The following PGM5 variants were observed in gnomAD, a reference collection of about 807,000 sequenced individuals.
The protein encoded by PGM5 is phosphoglucomutase-like protein 5.
A neutral mutation model predicts 59.2 loss-of-function variants in PGM5; 23 were observed. The ratio of observed to expected loss-of-function variants is 0.39; its 90% confidence interval spans 0.28 to 0.55. The LOEUF is 0.55. PGM5 is among the 20% of genes least tolerant of loss of function. PGM5 has a pLI of 0.66. For synonymous variants in PGM5, 214 were observed against 286.0 expected, an observed-to-expected ratio of 0.75 and a Z score of 2.54; for missense variants, 574 against 748.3, an observed-to-expected ratio of 0.77 and a Z score of 2.72.
At chr9:68,399,763 C>T (rs1383161136) in intron 6 of PGM5, among the ~76,000 whole-genome samples, 1 of 152,070 alleles carries the variant, frequency 6.6e-6, no homozygotes, top group African/African-American at 2.4e-5. Flanking sequence ...TATCTTTAGA[C>T]AAAATTTTAC....
At chr9:68,474,429 T>TTC (rs2132085860) in intron 7 of PGM5, among the ~76,000 whole-genome samples, 1 of 152,318 alleles carries the variant, frequency 6.6e-6, no homozygotes, top group African/African-American at 2.4e-5. Flanking sequence ...TGATTGAGCA[T>TTC]TCTCTTTATT....
At chr9:68,466,270 G>GT (rs35091577) in intron 7 of PGM5, 76,794 of 551,418 alleles carry the variant, frequency 0.14, 39 homozygotes, top group Non-Finnish European at 0.16. Flanking sequence ...GATACTGTGT[G>GT]TTTTTTTTTT....
At position 68,465,116 on chromosome 9, in the gene PGM5, C is replaced by A. The variant is rs147890556; in HGVS notation, c.1067C>A (p.Pro356His). 5.1e-5 allele frequency: 82 copies of A among 1,610,728 alleles called. No homozygotes were observed. The highest frequency in any genetic ancestry group is 1.2e-4 in the Admixed American group (7 of 59,952). The change falls in exon 7 of 11, where the codon CCT becomes CAT. Residue 356 changes from proline to histidine, a missense_variant. By Grantham distance (77) the Pro-to-His change is moderately conservative (BLOSUM62 -2). Transcript: ENST00000396396. ...AGAGTGGCCAAATCAATGAAGGTCC[C>A]TGTATATGAGACCCCAGCTGGATGG... is the stretch of plus-strand genomic sequence containing the variant. The part of the protein sequence containing the change: ...LDRVAKSMKV[P>H]VYETPAGWRF...
chr9:68,466,082 T>C (rs1302108144), intron 7 of PGM5: 8 of 1,192,860 alleles, frequency 6.7e-6, no homozygotes. Context: ...ACACATGTGT[T>C]AGATAATTTG....
At chr9:68,473,368 C>T (rs1205163210) in intron 7 of PGM5, among the ~76,000 whole-genome samples, 2 of 152,216 alleles carry the variant, frequency 1.3e-5, no homozygotes, top group Non-Finnish European at 2.9e-5. Context: ...GGATGCTTTA[C>T]CCGCTTTCTT....
At chr9:68,461,961 A>T (rs1823864408) in intron 6 of PGM5, among the ~76,000 whole-genome samples, 1 of 152,166 alleles carries the variant, frequency 6.6e-6, no homozygotes, top group Non-Finnish European at 1.5e-5. Context: ...TATTTGGAAA[A>T]TAGGAAATCA....
chr9:68,435,362 T>C (rs910700829), intron 6 of PGM5, among the ~76,000 whole-genome samples: 6 of 152,200 alleles, frequency 3.9e-5, no homozygotes, highest in African/African-American at 1.2e-4. Context: ...ATCATAATGG[T>C]TGGCAATTTT....
At chr9:68,382,062 C>A (rs1822092566) in intron 2 of PGM5, among the ~76,000 whole-genome samples, 1 of 150,748 alleles carries the variant, frequency 6.6e-6, no homozygotes, top group Non-Finnish European at 1.5e-5. Context: ...CCCCAAAAAC[C>A]AAAGCAATGT....
chr9:68,428,872 G>T (rs1305654912), intron 6 of PGM5: 23 of 152,146 alleles, frequency 1.5e-4, no homozygotes, highest in African/African-American at 4.8e-4. Context: ...TTATAACTCT[G>T]ATTTCATGCA....
intron 6 of PGM5, among the ~76,000 whole-genome samples, chr9:68,447,154 A>G (rs1823624571): frequency 6.6e-6 from 1 of 151,470 alleles, no homozygotes. Flanking sequence ...TGCTGGTGCC[A>G]AGCCGGAGGG....
chr9:68,400,837 G>T (rs1383101958), intron 6 of PGM5: 1 of 152,602 alleles, frequency 6.6e-6, no homozygotes, highest in Non-Finnish European at 1.5e-5. Flanking sequence ...CAACTGCATT[G>T]TAGTTATTTC....
rs189593651 is a variant in PGM5, at chr9:68,452,176, C to A, written c.1044-12917C>A. ...CCCCCTGCCCCACCACAAGACTGTGCCCCTGAAGCAGTTCCAAGCTCAGAA... is the reference window on the plus strand; with the variant it reads ...CCCCCTGCCCCACCACAAGACTGTGACCCTGAAGCAGTTCCAAGCTCAGAA... On this transcript the variant is annotated intron_variant, in intron 6 of 10. Coordinates refer to ENST00000396396, the MANE Select transcript of PGM5 (RefSeq NM_021965.4). Among the ~76,000 whole-genome samples, 319 of 152,332 alleles carry A rather than the reference C, an allele frequency of 2.1e-3. 1 individual carries two copies. Among genetic ancestry groups the A allele is most frequent in the Non-Finnish European group, 3.9e-3 (262 of 68,030 alleles).
chr9:68,478,178 A>C (rs1430834667), intron 7 of PGM5, among the ~76,000 whole-genome samples: 1 of 152,168 alleles, frequency 6.6e-6, no homozygotes, highest in African/African-American at 2.4e-5. Flanking sequence ...CAGATACCCA[A>C]ATGGGCCTGT....
chr9:68,397,936 A>C (rs2070777822), intron 6 of PGM5: 2 of 152,240 alleles, frequency 1.3e-5, no homozygotes, highest in African/African-American at 4.8e-5. Flanking sequence ...CCAATCTAAA[A>C]TATGTACTAT....
At chr9:68,393,874 C>T (rs1244901579) in intron 6 of PGM5, 2 of 151,926 alleles carry the variant, frequency 1.3e-5, no homozygotes, top group African/African-American at 4.8e-5. Context: ...TGTCCATCAA[C>T]AGGAGATTGC....
At chr9:68,521,221 T>C (rs1249784703) in intron 10 of PGM5, among the ~76,000 whole-genome samples, 1 of 152,188 alleles carries the variant, frequency 6.6e-6, no homozygotes, top group Admixed American at 6.5e-5. Context: ...TCATAGACTG[T>C]TTAGAGATTA....
chr9:68,456,904 G>A (rs868960288), intron 6 of PGM5, among the ~76,000 whole-genome samples: 1 of 152,128 alleles, frequency 6.6e-6, no homozygotes, highest in Non-Finnish European at 1.5e-5. Flanking sequence ...GTGATTACAG[G>A]CGTGAGCCAC....
At chr9:68,512,901 G>A (rs1824771349) in intron 10 of PGM5, among the ~76,000 whole-genome samples, 1 of 152,082 alleles carries the variant, frequency 6.6e-6, no homozygotes, top group Non-Finnish European at 1.5e-5. Flanking sequence ...AAAACTATAG[G>A]CACTGTAATT....
At chr9:68,434,335 A>G (rs561213786) in intron 6 of PGM5, among the ~76,000 whole-genome samples, 1,367 of 136,192 alleles carry the variant, frequency 0.01, 15 homozygotes, top group African/African-American at 0.041. Flanking sequence ...AAAAAAAAAA[A>G]AAAAGAAAAA....
Sources: gnomAD v4.1 joint callset for allele counts (sites outside exome capture counted in the v4.1 genomes callset) on GRCh38, gnomAD v4.1.1 for gene constraint, MANE v1.5 for transcripts, NCBI Gene and HGNC (gene_info 2026-07-23, HGNC 2026-07-21) for gene names.